The following ZNF704 variants were observed in gnomAD, a reference collection of about 807,000 sequenced individuals.
ZNF704 encodes glucocorticoid induced gene 1.
A neutral mutation model predicts 44.7 loss-of-function variants in ZNF704; 10 were observed. That is an observed-to-expected ratio of 0.22 (90% CI 0.14 to 0.38). ZNF704 has a LOEUF of 0.38. Ranked by LOEUF, ZNF704 falls within the 10% of genes least tolerant of loss-of-function variation. The pLI, the probability that ZNF704 is intolerant of heterozygous loss-of-function variation, is 1.00. For missense variants in ZNF704, 390 were observed against 545.5 expected, an observed-to-expected ratio of 0.71 and a Z score of 2.84; for synonymous variants, 211 against 207.6, an observed-to-expected ratio of 1.02 and a Z score of -0.14.
intron 2 of ZNF704, among the ~76,000 whole-genome samples, chr8:80,707,137 G>A (rs933809930): frequency 6.6e-6 from 1 of 152,108 alleles, no homozygotes; most frequent in Non-Finnish European, 1.5e-5. Flanking sequence ...ACAGTACTTG[G>A]CCAGTCAGCC....
intron 2 of ZNF704, among the ~76,000 whole-genome samples, chr8:80,734,883 C>T (rs1374269710): frequency 6.6e-6 from 1 of 152,216 alleles, no homozygotes; most frequent in Non-Finnish European, 1.5e-5. Context: ...GGAGAGTATG[C>T]TTCCAATTAA....
At chr8:80,826,094 A>G (rs1410115909) in intron 1 of ZNF704, among the ~76,000 whole-genome samples, 2 of 152,140 alleles carry the variant, frequency 1.3e-5, no homozygotes, top group South Asian at 2.1e-4. Flanking sequence ...AACTGAAAGA[A>G]ATAGAGACAC....
intron 2 of ZNF704, among the ~76,000 whole-genome samples, chr8:80,813,201 A>G (rs549514809): frequency 6.6e-6 from 1 of 152,346 alleles, no homozygotes; most frequent in African/African-American, 2.4e-5. Context: ...GCCAATGATG[A>G]TTTACAAAGA....
rs117425461 is a variant in ZNF704 at position 80,680,657 on chromosome 8, A to G, written c.558+6569T>C. On this transcript the variant is annotated intron_variant, in intron 4 of 8. Coordinates refer to ENST00000327835, the MANE Select transcript of ZNF704 (RefSeq NM_001033723.3). The stretch of plus-strand genomic sequence containing the variant: ...AAATGCGCTCGTGTATTTAAAAATT[A>G]GTAACTTCCTAGAAGCTGGTAGGGG... 2.0e-3 allele frequency among the ~76,000 whole-genome samples: 311 copies of G among 152,346 alleles called. 1 individual carries two copies. The highest frequency in any genetic ancestry group is 3.7e-3 in the Non-Finnish European group (251 of 68,032).
In ZNF704 at chr8:80,636,879, C is replaced by T. The variant is rs1433589145; in HGVS notation, c.*4487G>A. 1 of 152,224 alleles carries T rather than the reference C, an allele frequency of 6.6e-6. No homozygotes were observed. The highest frequency in any genetic ancestry group is 2.4e-5 in the African/African-American group (1 of 41,452). 9.4% of individuals were successfully genotyped at this position (152,224 alleles called of 1,614,324 possible). On this transcript the variant is annotated 3_prime_UTR_variant, in exon 9 of 9. Transcript: ENST00000327835. Reference sequence around the variant, plus strand: ...CCATGGAAGTTTGTTCGCTAACATGCTATTAAAGCAAAATGTACATCGTTC... The same window carrying T: ...CCATGGAAGTTTGTTCGCTAACATGTTATTAAAGCAAAATGTACATCGTTC...
intron 2 of ZNF704, among the ~76,000 whole-genome samples, chr8:80,811,818 G>A (rs976826022): frequency 2.0e-5 from 3 of 152,198 alleles, no homozygotes; most frequent in African/African-American, 7.2e-5. Flanking sequence ...GTTAGGAACT[G>A]GGCTGCAAAG....
intron 2 of ZNF704, among the ~76,000 whole-genome samples, chr8:80,710,548 T>C (rs1164991284): frequency 6.6e-6 from 1 of 152,130 alleles, no homozygotes; most frequent in Non-Finnish European, 1.5e-5. Context: ...TGATAGTATT[T>C]GGAGATGAAG....
intron 1 of ZNF704, among the ~76,000 whole-genome samples, chr8:80,865,342 C>T (rs1374847543): frequency 6.6e-6 from 1 of 152,144 alleles, no homozygotes; most frequent in Non-Finnish European, 1.5e-5. Context: ...AGCCATGCAA[C>T]AAGTGAGTGG....
intron 7 of ZNF704, among the ~76,000 whole-genome samples, chr8:80,651,378 G>A (rs886587038): frequency 6.6e-6 from 1 of 152,188 alleles, no homozygotes; most frequent in African/African-American, 2.4e-5. Context: ...TGGCAAATTG[G>A]ATAAAGAGTC....
intron 2 of ZNF704, among the ~76,000 whole-genome samples, chr8:80,708,927 G>A (rs539353477): frequency 6.6e-6 from 1 of 151,828 alleles, no homozygotes; most frequent in Non-Finnish European, 1.5e-5. Context: ...CTTATGATAA[G>A]GAGTTAGCAA....
chr8:80,813,659 T>C lies in ZNF704; in HGVS notation c.221+7715A>G, dbSNP rs113528082. 5.8e-3 allele frequency among the ~76,000 whole-genome samples: 889 copies of C among 152,126 alleles called. 6 individuals are homozygous for C. The highest frequency in any genetic ancestry group is 0.02 in the African/African-American group (828 of 41,516). On this transcript the variant is annotated intron_variant, in intron 2 of 8. Coordinates refer to ENST00000327835, the MANE Select transcript of ZNF704 (RefSeq NM_001033723.3). Reference sequence around the variant, plus strand: ...TTGGGAGGCCGAGGCGGGCAGATCATGAGGTCAGGAGATCGAGACCATGCT... The same window carrying C: ...TTGGGAGGCCGAGGCGGGCAGATCACGAGGTCAGGAGATCGAGACCATGCT...
At chr8:80,716,131 T>A (rs1819069163) in intron 2 of ZNF704, among the ~76,000 whole-genome samples, 1 of 151,514 alleles carries the variant, frequency 6.6e-6, no homozygotes, top group Non-Finnish European at 1.5e-5. Flanking sequence ...AACAGATGGA[T>A]CCCTCCTGAC....
At chr8:80,754,952 C>T (rs1807009887) in intron 2 of ZNF704, among the ~76,000 whole-genome samples, 1 of 152,142 alleles carries the variant, frequency 6.6e-6, no homozygotes. Flanking sequence ...CATGGCAGAC[C>T]TAGACTACTC....
In ZNF704 at chr8:80,664,989, G is replaced by A. The variant is rs1324809441; in HGVS notation, c.753C>T (p.Ser251=). The A allele has an allele frequency of 7.4e-6, 12 of 1,614,208 alleles. No individual in the cohort carries two copies. Among genetic ancestry groups the A allele is most frequent in the Non-Finnish European group, 1.0e-5 (12 of 1,180,038 alleles). ...GGGAAGGTGAGACCGGGGCCAGGCT[G>A]CTCAGCCCGTCTGCCACTGAGTCTG... ...LNTDSVADGL[S]SLAPVSPSQS... is the part of the protein sequence containing the mutation. The change falls in exon 6 of 9, where the codon AGC becomes AGT. Residue 251 remains serine, a synonymous_variant. Coordinates refer to ENST00000327835, the MANE Select transcript of ZNF704 (RefSeq NM_001033723.3).
the ZNF704 span, among the ~76,000 whole-genome samples, chr8:80,879,788 C>T: frequency 6.6e-6 from 1 of 152,124 alleles, no homozygotes; most frequent in Non-Finnish European, 1.5e-5. Flanking sequence ...ATTGTTCAAT[C>T]TAAGATGTGT....
intron 2 of ZNF704, among the ~76,000 whole-genome samples, chr8:80,731,693 C>T (rs113139265): frequency 0.048 from 7,339 of 152,180 alleles, 238 homozygotes; most frequent in Middle Eastern, 0.11. Flanking sequence ...TCCCAGGAAT[C>T]CAAGGCTGTG....
intron 1 of ZNF704, among the ~76,000 whole-genome samples, chr8:80,858,659 T>G (rs1395932332): frequency 6.6e-6 from 1 of 151,662 alleles, no homozygotes; most frequent in African/African-American, 2.4e-5. Context: ...CACTCTAGCC[T>G]GGGCAACACA....
chr8:80,862,778 A>AG (rs1563581020), intron 1 of ZNF704, among the ~76,000 whole-genome samples: 7 of 148,064 alleles, frequency 4.7e-5, no homozygotes, highest in Admixed American at 2.0e-4. Flanking sequence ...AAAAAAAAAA[A>AG]AAAAAAAAAA....
At chr8:80,840,346 C>T (rs969895489) in intron 1 of ZNF704, among the ~76,000 whole-genome samples, 5 of 152,092 alleles carry the variant, frequency 3.3e-5, no homozygotes, top group African/African-American at 1.2e-4. Flanking sequence ...TTTATTTTAG[C>T]TCATCAGCTA....
Sources: gnomAD v4.1 joint callset for allele counts (sites outside exome capture counted in the v4.1 genomes callset) on GRCh38, gnomAD v4.1.1 for gene constraint, MANE v1.5 for transcripts, NCBI Gene and HGNC (gene_info 2026-07-23, HGNC 2026-07-21) for gene names.